SLC4A10: variants seen among roughly 807,000 people sequenced by gnomAD.
SLC4A10 encodes sodium-driven chloride bicarbonate exchanger.
Under a neutral mutation model 137.7 loss-of-function variants are expected in SLC4A10, and 42 were observed. The observed-to-expected ratio is 0.30, with a 90% CI of 0.24 to 0.39. The LOEUF (loss-of-function observed/expected upper bound fraction) is 0.39, where lower values mean the gene tolerates loss of function less well. SLC4A10 is among the 10% of genes least tolerant of loss of function. The pLI, the probability that SLC4A10 is intolerant of heterozygous loss-of-function variation, is 1.00. For synonymous variants in SLC4A10, 474 were observed against 464.1 expected (o/e 1.02, Z -0.27); for missense variants, 925 against 1,355.0 (o/e 0.68, Z 4.98).
chr2:161,780,163 G>T (rs993459003), intron 2 of SLC4A10, among the ~76,000 whole-genome samples: 1 of 151,990 alleles, frequency 6.6e-6, no homozygotes, highest in Non-Finnish European at 1.5e-5. Context: ...TAGCACAGTG[G>T]AGTGTGAATT....
At chr2:161,962,120 C>A (rs1291833214) in intron 21 of SLC4A10, among the ~76,000 whole-genome samples, 1 of 152,194 alleles carries the variant, frequency 6.6e-6, no homozygotes, top group Non-Finnish European at 1.5e-5. Flanking sequence ...ACGTTACTGT[C>A]TTACCCTATT....
intron 2 of SLC4A10, among the ~76,000 whole-genome samples, chr2:161,773,289 T>G (rs985957): frequency 0.087 from 13,174 of 151,772 alleles, 767 homozygotes; most frequent in African/African-American, 0.16. Context: ...ACAGTGGAGC[T>G]CTCATGACCT....
chr2:161,708,191 C>G (rs2043894931), intron 1 of SLC4A10, among the ~76,000 whole-genome samples: 1 of 151,448 alleles, frequency 6.6e-6, no homozygotes, highest in African/African-American at 2.4e-5. Context: ...TTTTTAGGCA[C>G]TCATCATTTT....
chr2:161,729,830 G>A (rs1026084341), intron 1 of SLC4A10, among the ~76,000 whole-genome samples: 1 of 152,176 alleles, frequency 6.6e-6, no homozygotes, highest in Non-Finnish European at 1.5e-5. Context: ...CTTTCACTAG[G>A]TCTTTTCCAT....
intron 1 of SLC4A10, among the ~76,000 whole-genome samples, chr2:161,720,298 C>G (rs1011875687): frequency 2.0e-5 from 3 of 152,230 alleles, no homozygotes; most frequent in African/African-American, 7.2e-5. Context: ...GTTACTGTAG[C>G]CTTGTAGTAT....
chr2:161,941,834 A>G (rs1692762656), intron 15 of SLC4A10, among the ~76,000 whole-genome samples: 2 of 152,162 alleles, frequency 1.3e-5, no homozygotes, highest in Admixed American at 1.3e-4. Flanking sequence ...TCCATCATAG[A>G]CAGGAGCTCA....
chr2:161,672,874 A>G (rs1447342258), intron 1 of SLC4A10, among the ~76,000 whole-genome samples: 1 of 152,150 alleles, frequency 6.6e-6, no homozygotes, highest in Non-Finnish European at 1.5e-5. Context: ...GCTATGTTAA[A>G]AATAAGTATT....
At chr2:161,829,002 A>C (rs944285113) in intron 3 of SLC4A10, among the ~76,000 whole-genome samples, 2 of 151,156 alleles carry the variant, frequency 1.3e-5, no homozygotes, top group African/African-American at 2.4e-5. Context: ...GCCTAAACCA[A>C]ACCATTAATT....
chr2:161,883,616 C>T (rs1207847422), intron 10 of SLC4A10, among the ~76,000 whole-genome samples: 1 of 152,082 alleles, frequency 6.6e-6, no homozygotes, highest in Admixed American at 6.6e-5. Context: ...ATTTTTGAGG[C>T]TAGAAGTTTG....
At chr2:161,796,710 C>T (rs1266075583) in intron 2 of SLC4A10, among the ~76,000 whole-genome samples, 1 of 152,050 alleles carries the variant, frequency 6.6e-6, no homozygotes, top group East Asian at 1.9e-4. Context: ...GTGTTTTTAT[C>T]TTTGATTTCA....
intron 3 of SLC4A10, among the ~76,000 whole-genome samples, chr2:161,811,943 A>G (rs1011999673): frequency 3.9e-5 from 6 of 151,986 alleles, no homozygotes; most frequent in Admixed American, 3.3e-4. Flanking sequence ...CAGTTCTCCA[A>G]CCTCCTGCAA....
At chr2:161,832,999 C>T (rs2058535753) in intron 3 of SLC4A10, among the ~76,000 whole-genome samples, 1 of 152,236 alleles carries the variant, frequency 6.6e-6, no homozygotes. Context: ...CTCAGTCTCC[C>T]AAAGTGCAGT....
chr2:161,949,372 T>G lies in SLC4A10; in HGVS notation c.2379+111T>G. On this transcript the variant is annotated intron_variant, in intron 18 of 26. Transcript: ENST00000446997. The stretch of plus-strand genomic sequence containing the variant: ...TCATGAAAATATGAAGAATTTAGAT[T>G]AGAAGACCAGTAAATGAAATGCACA... 7.6e-6 allele frequency: 5 copies of G among 655,198 alleles called. No individual in the cohort carries two copies. The Admixed American group carries it at 1.6e-4, about 22-fold the overall frequency. The allele number at this position is 655,198 out of a possible 1,614,324, so 40.6% of individuals were successfully genotyped here.
At chr2:161,888,792 G>T (rs1364422716) in intron 10 of SLC4A10, among the ~76,000 whole-genome samples, 1 of 151,896 alleles carries the variant, frequency 6.6e-6, no homozygotes, top group Non-Finnish European at 1.5e-5. Flanking sequence ...CTCTTCCCTG[G>T]TTGTCCTGGC....
At chr2:161,852,149 A>T (rs997507776) in intron 4 of SLC4A10, among the ~76,000 whole-genome samples, 3 of 152,242 alleles carry the variant, frequency 2.0e-5, no homozygotes, top group Non-Finnish European at 4.4e-5. Context: ...CAGGGATGAC[A>T]GAAAGTACCA....
At position 161,854,956 on chromosome 2, in the gene SLC4A10, A is replaced by G. The variant is rs1559394425; in HGVS notation, c.417-14A>G. The stretch of plus-strand genomic sequence containing the variant: ...ATATAATATAAACTGTGCTGATAAT[A>G]TTTGTTTGTATAGGTGGTTGAAGTT... On this transcript the variant is annotated splice_polypyrimidine_tract_variant and intron_variant, in intron 4 of 26. Coordinates refer to ENST00000446997, the MANE Select transcript of SLC4A10 (RefSeq NM_001178015.2). 2.5e-6 allele frequency: 4 copies of G among 1,607,530 alleles called. No homozygotes were observed. Among genetic ancestry groups the G allele is most frequent in the Non-Finnish European group, 3.4e-6 (4 of 1,177,092 alleles).
rs190123174 is a variant in SLC4A10 at position 161,694,601 on chromosome 2, A to G, written c.48+70035A>G. Among the ~76,000 whole-genome samples, 5 of 152,180 alleles carry G rather than the reference A, an allele frequency of 3.3e-5. No homozygotes were observed. In the East Asian group the frequency reaches 9.6e-4, roughly 29 times the overall value. ...TGTAAGGATCAAAGCTTTAGTGGAG[A>G]AACACAAGGGCATAACAAACTATTA... is the stretch of plus-strand genomic sequence containing the variant. On this transcript the variant is annotated intron_variant, in intron 1 of 26. Transcript: ENST00000446997.
At chr2:161,720,654 A>G (rs1161938553) in intron 1 of SLC4A10, among the ~76,000 whole-genome samples, 1 of 151,442 alleles carries the variant, frequency 6.6e-6, no homozygotes, top group Non-Finnish European at 1.5e-5. Flanking sequence ...GTCTTTTTCG[A>G]TCTTTGTTGG....
chr2:161,774,934 C>T (rs920904504), intron 2 of SLC4A10, among the ~76,000 whole-genome samples: 2 of 151,848 alleles, frequency 1.3e-5, no homozygotes, highest in East Asian at 3.9e-4. Context: ...TACCGATAGA[C>T]GTACTTGGTA....
Sources: allele counts gnomAD v4.1 joint callset (sites outside exome capture counted in the v4.1 genomes callset), GRCh38; gene constraint gnomAD v4.1.1; transcripts MANE v1.5; gene names NCBI Gene and HGNC (gene_info 2026-07-23, HGNC 2026-07-21).